Variants in HIPK2 observed in about 807,000 individuals in gnomAD.
The protein encoded by HIPK2 is homeodomain-interacting protein kinase 2.
Under a neutral mutation model 113.7 loss-of-function variants are expected in HIPK2, and 27 were observed. The ratio of observed to expected loss-of-function variants is 0.24; its 90% CI spans 0.17 to 0.33. The LOEUF (loss-of-function observed/expected upper bound fraction) is 0.33. HIPK2 is among the 10% of genes least tolerant of loss of function. The pLI is 1.00. For synonymous variants in HIPK2, 631 were observed against 642.2 expected, an observed-to-expected ratio of 0.98 and a Z score of 0.26; for missense variants, 1,257 against 1,588.0, an observed-to-expected ratio of 0.79 and a Z score of 3.54.
At chr7:139,740,265 T>C (rs1345657637) in intron 1 of HIPK2, among the ~76,000 whole-genome samples, 8 of 152,240 alleles carry the variant, frequency 5.3e-5, no homozygotes, top group South Asian at 2.1e-4. Context: ...TTTGTTTGAT[T>C]TGAGGTAAAT....
At chr7:139,670,510 G>A (rs1355961033) in intron 2 of HIPK2, among the ~76,000 whole-genome samples, 1 of 151,302 alleles carries the variant, frequency 6.6e-6, no homozygotes, top group African/African-American at 2.4e-5. Context: ...GAGCCTAGGA[G>A]ACTGAGGTTG....
intron 6 of HIPK2, among the ~76,000 whole-genome samples, chr7:139,621,078 T>G (rs1012918201): frequency 2.0e-5 from 3 of 152,226 alleles, no homozygotes; most frequent in African/African-American, 7.2e-5. Flanking sequence ...GTGACCCTAT[T>G]GCCACACTTT....
chr7:139,631,941 G>A lies in HIPK2; in HGVS notation c.1104-216C>T, dbSNP rs187016018. ...GCCCACTTGGAAGGTTGGCTGAGATGAAGGATAAGTCTGTGTGTTTAGAAC... is the reference window on the plus strand; with the variant it reads ...GCCCACTTGGAAGGTTGGCTGAGATAAAGGATAAGTCTGTGTGTTTAGAAC... On this transcript the variant is annotated intron_variant, in intron 2 of 14. Transcript: ENST00000406875. This position sits in a 1 kb window ranked among gnomAD's most constrained non-coding sequence, Gnocchi z 4.9. Among the ~76,000 whole-genome samples, 3 of 152,298 alleles carry A rather than the reference G, an allele frequency of 2.0e-5. No individual in the cohort carries two copies. In the East Asian group the frequency reaches 5.8e-4, roughly 29 times the overall value.
At chr7:139,771,794 T>C (rs1224207750) in intron 1 of HIPK2, among the ~76,000 whole-genome samples, 1 of 152,160 alleles carries the variant, frequency 6.6e-6, no homozygotes, top group Non-Finnish European at 1.5e-5. Flanking sequence ...ATGCTTTCAG[T>C]GACACAAAAC....
intron 2 of HIPK2, among the ~76,000 whole-genome samples, chr7:139,657,183 G>C (rs6974895): frequency 0.84 from 127,554 of 152,188 alleles, 54,044 homozygotes; most frequent in African/African-American, 0.9. Context: ...CCAGTTCTAC[G>C]TCCACTTCTA....
At chr7:139,710,627 A>G (rs1795033525) in intron 2 of HIPK2, among the ~76,000 whole-genome samples, 1 of 152,200 alleles carries the variant, frequency 6.6e-6, no homozygotes, top group Non-Finnish European at 1.5e-5. Context: ...TGGAGCACAT[A>G]TCTACTACGG....
At chr7:139,638,849 C>T (rs767000033) in intron 2 of HIPK2, among the ~76,000 whole-genome samples, 14 of 152,094 alleles carry the variant, frequency 9.2e-5, no homozygotes, top group South Asian at 2.1e-4. Context: ...AGTAAAGACG[C>T]GGTTTCACCA....
intron 1 of HIPK2, among the ~76,000 whole-genome samples, chr7:139,769,982 G>C (rs1467159216): frequency 1.3e-5 from 2 of 152,178 alleles, no homozygotes; most frequent in Non-Finnish European, 2.9e-5. Context: ...AGGGGAAAAG[G>C]CCGAAAGCAC....
chr7:139,752,076 T>C (rs1796287366), intron 1 of HIPK2, among the ~76,000 whole-genome samples: 2 of 152,224 alleles, frequency 1.3e-5, no homozygotes, highest in African/African-American at 4.8e-5. Context: ...TCAAAATCAA[T>C]TGTAACTGCT....
chr7:139,701,916 C>T (rs1383192098), intron 2 of HIPK2, among the ~76,000 whole-genome samples: 1 of 152,112 alleles, frequency 6.6e-6, no homozygotes, highest in African/African-American at 2.4e-5. Context: ...CAGGCTGCTG[C>T]AGAGGCCACA....
At chr7:139,773,186 G>A (rs1181892216) in intron 1 of HIPK2, among the ~76,000 whole-genome samples, 1 of 152,162 alleles carries the variant, frequency 6.6e-6, no homozygotes. Flanking sequence ...GAGTTCATGT[G>A]GGTGAAGGGC....
chr7:139,616,114 C>T (rs1343662696), intron 7 of HIPK2, among the ~76,000 whole-genome samples: 3 of 152,126 alleles, frequency 2.0e-5, no homozygotes, highest in Non-Finnish European at 4.4e-5. Context: ...GGGGTCCTGG[C>T]ACCTGTATCC....
chr7:139,566,489 C>T lies in HIPK2; in HGVS notation c.*6438G>A, dbSNP rs574215497. 60 of 152,276 alleles carry T rather than the reference C, an allele frequency of 3.9e-4. 1 individual carries two copies. The highest frequency in any genetic ancestry group is 1.4e-3 in the African/African-American group (58 of 41,524). The allele number at this position is 152,276 out of a possible 1,614,324, so 9.4% of individuals were successfully genotyped here. Reference sequence around the variant, plus strand: ...TGGTTCATAGAAATATGAGGCCACGCATTGCTATTAATTAAAAAAAGTTAA... The same window carrying T: ...TGGTTCATAGAAATATGAGGCCACGTATTGCTATTAATTAAAAAAAGTTAA... On this transcript the variant is annotated 3_prime_UTR_variant, in exon 15 of 15. Transcript: ENST00000406875. This position sits in a 1 kb window ranked among gnomAD's most constrained non-coding sequence, Gnocchi z 4.1.
intron 1 of HIPK2, among the ~76,000 whole-genome samples, chr7:139,748,182 C>G (rs1183553698): frequency 6.6e-6 from 1 of 152,200 alleles, no homozygotes; most frequent in East Asian, 1.9e-4. Context: ...GGAAGCTGGT[C>G]TGCCCATCTG....
At chr7:139,773,366 G>A (rs1796685456) in intron 1 of HIPK2, among the ~76,000 whole-genome samples, 1 of 152,102 alleles carries the variant, frequency 6.6e-6, no homozygotes, top group African/African-American at 2.4e-5. Context: ...GAACTCTTGC[G>A]AGTTTGGGCC....
intron 1 of HIPK2, among the ~76,000 whole-genome samples, chr7:139,743,943 C>A (rs1796149115): frequency 6.6e-6 from 1 of 152,152 alleles, no homozygotes; most frequent in Non-Finnish European, 1.5e-5. Context: ...AATAAAAACA[C>A]AACCTAATTT....
intron 10 of HIPK2, 61 bp downstream of exon 10, chr7:139,604,020 G>A: frequency 6.2e-7 from 1 of 1,606,808 alleles, no homozygotes; most frequent in Admixed American, 1.7e-5. Context: ...CCCTGTGTTG[G>A]CAGTGGACGT....
chr7:139,772,212 G>C (rs1488063442), intron 1 of HIPK2, among the ~76,000 whole-genome samples: 1 of 152,028 alleles, frequency 6.6e-6, no homozygotes, highest in African/African-American at 2.4e-5. Flanking sequence ...GTGACAGCCC[G>C]ATCTATATCC....
chr7:139,667,519 G>C (rs1802090181), intron 2 of HIPK2, among the ~76,000 whole-genome samples: 1 of 152,108 alleles, frequency 6.6e-6, no homozygotes, highest in Non-Finnish European at 1.5e-5. Context: ...TCTACCCTTT[G>C]TGACAACTAG....
Sources: gnomAD v4.1 joint callset for allele counts (sites outside exome capture counted in the v4.1 genomes callset) on GRCh38, gnomAD v4.1.1 for gene constraint, Gnocchi (gnomAD v3.1) non-coding constraint, MANE v1.5 for transcripts, NCBI Gene and HGNC (gene_info 2026-07-23, HGNC 2026-07-21) for gene names.